The following GAS7 variants were observed in gnomAD, a reference collection of about 807,000 sequenced individuals.
GAS7 encodes growth arrest specific 7, also known as growth arrest-specific protein 7.
A neutral mutation model predicts 71.1 loss-of-function variants in GAS7; 28 were observed. That is an observed-to-expected ratio of 0.39 (90% CI 0.29 to 0.54). The LOEUF is 0.54. GAS7 is among the 20% of genes least tolerant of loss of function. The pLI, the probability that GAS7 is intolerant of heterozygous loss-of-function variation, is 0.62. For synonymous variants in GAS7, 258 were observed against 245.8 expected, an observed-to-expected ratio of 1.05 and a Z score of -0.46; for missense variants, 436 against 627.8, an observed-to-expected ratio of 0.69 and a Z score of 3.27.
At chr17:9,922,761 C>A (rs1448759356) in intron 11 of GAS7, among the ~76,000 whole-genome samples, 1 of 152,132 alleles carries the variant, frequency 6.6e-6, no homozygotes, top group Non-Finnish European at 1.5e-5. Context: ...GTTCGAAGAT[C>A]AAATGAAAAC....
intron 2 of GAS7, among the ~76,000 whole-genome samples, chr17:10,000,489 G>A (rs1409920645): frequency 6.6e-6 from 1 of 152,172 alleles, no homozygotes; most frequent in East Asian, 1.9e-4. Flanking sequence ...GGGTGGTAAT[G>A]ATGAAAACTA....
In GAS7 at chr17:9,917,187, C is replaced by G. The variant is rs767763857; in HGVS notation, c.*41G>C. On this transcript the variant is annotated 3_prime_UTR_variant, in exon 14 of 14. Coordinates refer to ENST00000432992, the MANE Select transcript of GAS7 (RefSeq NM_201433.2). ...ATGGGCCCCATGGTGGGAGCCCAGC[C>G]CCCCTCCCCAGCAGGACCCCCCGAA... 2.5e-6 allele frequency: 3 copies of G among 1,179,632 alleles called. No homozygotes were observed. The highest frequency in any genetic ancestry group is 1.7e-5 in the Admixed American group (1 of 59,458). 73.1% of individuals were successfully genotyped at this position (1,179,632 alleles called of 1,614,324 possible). A position where few individuals can be genotyped will look rare whatever the true frequency, so the allele number is the denominator to read the frequency against.
chr17:10,152,056 GCC>G (rs2074170590), intron 1 of GAS7, among the ~76,000 whole-genome samples: 49 of 152,132 alleles, frequency 3.2e-4, no homozygotes, highest in Admixed American at 3.0e-3. Context: ...GTTCAGTGAT[GCC>G]TGGTTCCAGG....
chr17:10,176,080 T>C (rs559945724), intron 1 of GAS7, among the ~76,000 whole-genome samples: 1 of 152,268 alleles, frequency 6.6e-6, no homozygotes, highest in South Asian at 2.1e-4. Context: ...TATCCCAGGG[T>C]TGAGAACACA....
At chr17:9,923,143 G>A (rs550451666) in intron 11 of GAS7, among the ~76,000 whole-genome samples, 12 of 152,122 alleles carry the variant, frequency 7.9e-5, no homozygotes, top group East Asian at 5.8e-4. Flanking sequence ...TCCTGACCTC[G>A]TGATCTGCCC....
chr17:10,095,870 C>T (rs2073636586), intron 1 of GAS7, among the ~76,000 whole-genome samples: 1 of 151,898 alleles, frequency 6.6e-6, no homozygotes, highest in South Asian at 2.1e-4. Flanking sequence ...CCCCTACAAA[C>T]AGCACAAACC....
chr17:10,039,180 A>G (rs1325231880), intron 1 of GAS7, among the ~76,000 whole-genome samples: 1 of 151,852 alleles, frequency 6.6e-6, no homozygotes, highest in Non-Finnish European at 1.5e-5. Flanking sequence ...ATACATTTAA[A>G]ACTGATGGAG....
At chr17:10,085,684 T>G (rs2073509916) in intron 1 of GAS7, among the ~76,000 whole-genome samples, 1 of 98,782 alleles carries the variant, frequency 1.0e-5, no homozygotes, top group Admixed American at 1.3e-4. Flanking sequence ...AGAGCGAGAT[T>G]CCGTCTCAAA....
At chr17:10,177,233 C>T (rs1405734210) in intron 1 of GAS7, among the ~76,000 whole-genome samples, 1 of 152,090 alleles carries the variant, frequency 6.6e-6, no homozygotes, top group Non-Finnish European at 1.5e-5. Context: ...ATCATCATTC[C>T]CTCGACAGGG....
In GAS7 at chr17:10,028,452, G is replaced by C. The variant is rs759780373; in HGVS notation, c.184-8555C>G. Among the ~76,000 whole-genome samples, 3 of 152,118 alleles carry C rather than the reference G, an allele frequency of 2.0e-5. No homozygotes were observed. The South Asian group carries it at 6.2e-4, about 32-fold the overall frequency. On this transcript the variant is annotated intron_variant, in intron 1 of 13. Coordinates refer to ENST00000432992, the MANE Select transcript of GAS7 (RefSeq NM_201433.2). Reference sequence around the variant, plus strand: ...AGCTGCACAAATGGGGAAGGGGGAGGCAAGATAATATGTATTGTTTATTTT... The same window carrying C: ...AGCTGCACAAATGGGGAAGGGGGAGCCAAGATAATATGTATTGTTTATTTT...
At chr17:10,023,824 A>G (rs1442126674) in intron 1 of GAS7, among the ~76,000 whole-genome samples, 1 of 152,212 alleles carries the variant, frequency 6.6e-6, no homozygotes, top group Non-Finnish European at 1.5e-5. Context: ...TTGTACCACA[A>G]TTAAAAAAAA....
intron 2 of GAS7, among the ~76,000 whole-genome samples, chr17:10,016,562 CGG>C: frequency 8.0e-6 from 1 of 125,360 alleles, no homozygotes; most frequent in East Asian, 2.4e-4. Context: ...GCCAGAAGTT[CGG>C]GATCAGCCTA....
At chr17:10,183,807 A>G (rs1597841144) in intron 1 of GAS7, among the ~76,000 whole-genome samples, 1 of 151,320 alleles carries the variant, frequency 6.6e-6, no homozygotes. Context: ...GCGCCACTGC[A>G]CTCCAGCCTG....
intron 5 of GAS7, among the ~76,000 whole-genome samples, chr17:9,951,782 A>AAAAC (rs1434951408): frequency 7.5e-5 from 11 of 146,112 alleles, no homozygotes; most frequent in Non-Finnish European, 1.3e-4. Flanking sequence ...AAAAAAAAAA[A>AAAAC]AAAACAAGAA....
rs1261511064 is a variant in GAS7, at chr17:9,974,918, T to C, written c.386-5156A>G. ...GGAAAAAGTCGCATCCTCAGAGCCC[T>C]ACTCTCCAGGTTCCTGTTCCCTGAG... On this transcript the variant is annotated intron_variant, in intron 3 of 13. Transcript: ENST00000432992. The surrounding 1 kb of genome is among the most constrained non-coding windows in gnomAD (Gnocchi z 4.0). 2.0e-5 allele frequency among the ~76,000 whole-genome samples: 3 copies of C among 152,206 alleles called. No individual in the cohort carries two copies. The highest frequency in any genetic ancestry group is 2.4e-5 in the African/African-American group (1 of 41,450).
At chr17:10,138,732 A>T (rs1353494776) in intron 1 of GAS7, among the ~76,000 whole-genome samples, 5 of 152,032 alleles carry the variant, frequency 3.3e-5, no homozygotes, top group Non-Finnish European at 7.4e-5. Context: ...GTGCCACTGC[A>T]CTCCAGCCTG....
At position 10,120,660 on chromosome 17, in the gene GAS7, C is replaced by A. The variant is rs935017580; in HGVS notation, c.183+77548G>T. On this transcript the variant is annotated intron_variant, in intron 1 of 13. Transcript: ENST00000432992. ...CTGGGAGGCGGAGGTTGCAGTGAGC[C>A]AAGATCGCGTCATTGCACTCCAGCC... 3.3e-5 allele frequency among the ~76,000 whole-genome samples: 5 copies of A among 152,110 alleles called. No homozygotes were observed. The South Asian group carries it at 6.2e-4, about 19-fold the overall frequency.
rs913491642 is a variant in GAS7, at chr17:9,958,487, T to C, written c.525+715A>G. Reference sequence around the variant, plus strand: ...TGTGAGTTGGAGCCTAAGAGAGCAATACCCCGTTCCCTGCTCTCCTGCCCT... The same window carrying C: ...TGTGAGTTGGAGCCTAAGAGAGCAACACCCCGTTCCCTGCTCTCCTGCCCT... On this transcript the variant is annotated intron_variant, in intron 5 of 13. Transcript: ENST00000432992. Among the ~76,000 whole-genome samples the C allele has an allele frequency of 2.6e-5, 4 of 152,188 alleles. No homozygotes were observed. The South Asian group carries it at 8.3e-4, about 31-fold the overall frequency.
intron 1 of GAS7, among the ~76,000 whole-genome samples, chr17:10,029,218 A>C (rs1597723346): frequency 1.3e-5 from 2 of 152,246 alleles, no homozygotes; most frequent in Non-Finnish European, 2.9e-5. Context: ...TCTCCGGTGC[A>C]TGATGGGGAA....
Sources: allele counts gnomAD v4.1 joint callset (sites outside exome capture counted in the v4.1 genomes callset), GRCh38; gene constraint gnomAD v4.1.1; non-coding constraint Gnocchi (gnomAD v3.1); transcripts MANE v1.5; gene names NCBI Gene and HGNC (gene_info 2026-07-23, HGNC 2026-07-21).